CFAP52: variants seen among roughly 807,000 people sequenced by gnomAD.
The protein encoded by CFAP52 is cilia and flagella associated protein 52.
In CFAP52, 57 loss-of-function variants were observed where a neutral mutation model predicts 70.5. That is an observed-to-expected ratio of 0.81 (90% CI 0.65 to 1.01). The LOEUF (loss-of-function observed/expected upper bound fraction) is 1.01, where lower values mean the gene tolerates loss of function less well. Among genes scored for constraint, CFAP52 ranks in the 50% least tolerant of loss-of-function variants. The probability of loss-of-function intolerance (pLI) is 0.00; values close to 1 mark genes in which losing one functional copy is unlikely to be tolerated. For synonymous variants in CFAP52, 267 were observed against 292.5 expected (o/e 0.91, Z 0.89); for missense variants, 785 against 788.5 (o/e 1.00, Z 0.05).
intron 6 of CFAP52, among the ~76,000 whole-genome samples, chr17:9,604,902 A>G (rs904124911): frequency 1.3e-5 from 2 of 152,186 alleles, no homozygotes; most frequent in African/African-American, 2.4e-5. Context: ...GCACGACTAC[A>G]TACCTTTTCA....
At chr17:9,598,184 T>C in intron 4 of CFAP52, 50 bp from the exon 5 acceptor site, 2 of 1,407,026 alleles carry the variant, frequency 1.4e-6, no homozygotes, top group Non-Finnish European at 2.0e-6. Context: ...AAGTGATTAT[T>C]AAATGGGTGT....
intron 8 of CFAP52, among the ~76,000 whole-genome samples, chr17:9,624,523 TATA>T (rs1819478360): frequency 6.6e-6 from 1 of 152,066 alleles, no homozygotes; most frequent in Non-Finnish European, 1.5e-5. Context: ...GGTATATAAT[TATA>T]ATATTACATA....
Position 9,586,716 on chromosome 17 carries a change from G to C in CFAP52, c.289G>C (p.Asp97His). 1 of 1,612,072 alleles carries C rather than the reference G, an allele frequency of 6.2e-7. No homozygotes were observed. The highest frequency in any genetic ancestry group is 8.5e-7 in the Non-Finnish European group (1 of 1,179,426). ...CCCCCAGGCAGACATCATTTTGTGG[G>C]ATTATAAGAACAGAGAGCTGCTTGC... ...MGFKADIILW[D>H]YKNRELLARL... is the part of the protein sequence containing the mutation. The change falls in exon 3 of 14, where the codon GAT becomes CAT. Residue 97 changes from aspartate to histidine, a missense_variant. Coordinates refer to ENST00000352665, the MANE Select transcript of CFAP52 (RefSeq NM_145054.5).
rs1294915894 is a variant in CFAP52, at chr17:9,631,044, G to GAA, written c.1175-1843_1175-1842insAA. On this transcript the variant is annotated intron_variant, in intron 9 of 13. Transcript: ENST00000352665. ...AAAGAAAGAAAGAGAGAGAGAGAGAGAGAGAGAGAGAAAGAAAGAAAGAAA... is the reference window on the plus strand; with the variant it reads ...AAAGAAAGAAAGAGAGAGAGAGAGAGAAAGAGAGAGAGAAAGAAAGAAAGAAA... Among the ~76,000 whole-genome samples, 86 of 21,192 alleles carry GAA rather than the reference G, an allele frequency of 4.1e-3. 2 individuals are homozygous for GAA. The highest frequency in any genetic ancestry group is 0.035 in the South Asian group (24 of 688). 13.9% of individuals were successfully genotyped at this position (21,192 alleles called of 152,430 possible).
intron 8 of CFAP52, among the ~76,000 whole-genome samples, chr17:9,627,233 G>T (rs1567633257): frequency 6.6e-6 from 1 of 152,066 alleles, no homozygotes; most frequent in East Asian, 1.9e-4. Flanking sequence ...TGCTTGGCTG[G>T]GCACAGTGGC....
downstream of CFAP52, among the ~76,000 whole-genome samples, chr17:9,644,453 A>G (rs1414235644): frequency 6.6e-6 from 1 of 151,986 alleles, no homozygotes; most frequent in Non-Finnish European, 1.5e-5. Flanking sequence ...AACAACAAGT[A>G]ACATTTCAGA....
intron 6 of CFAP52, among the ~76,000 whole-genome samples, chr17:9,600,781 C>T (rs961597634): frequency 1.3e-5 from 2 of 152,126 alleles, no homozygotes; most frequent in African/African-American, 4.8e-5. Flanking sequence ...CACACACTTT[C>T]TTAATGAAGA....
At chr17:9,594,888 G>A (rs1474952278) in intron 4 of CFAP52, among the ~76,000 whole-genome samples, 1 of 109,916 alleles carries the variant, frequency 9.1e-6, no homozygotes, top group African/African-American at 3.6e-5. Flanking sequence ...AGCAAATTAG[G>A]GAGGGTTTTT....
At chr17:9,640,705 C>T (rs1294690525) in intron 12 of CFAP52, among the ~76,000 whole-genome samples, 4 of 152,112 alleles carry the variant, frequency 2.6e-5, no homozygotes, top group African/African-American at 7.2e-5. Context: ...ATAATCTCAG[C>T]TCACTGCAAC....
intron 6 of CFAP52, among the ~76,000 whole-genome samples, chr17:9,604,276 G>A (rs1003783178): frequency 6.6e-6 from 1 of 152,006 alleles, no homozygotes; most frequent in African/African-American, 2.4e-5. Flanking sequence ...TTGAAAAGCT[G>A]GACTTCCTTA....
rs1490876523 is a variant in CFAP52 at position 9,633,046 on chromosome 17, G to A, written c.1320+13G>A. On this transcript the variant is annotated intron_variant, in intron 10 of 13. Transcript: ENST00000352665. ...TGGGGAAGGGGAGGTATTGAAAGCAGAAATTTGAAAAAATAACGCTCTGTT... is the reference window on the plus strand; with the variant it reads ...TGGGGAAGGGGAGGTATTGAAAGCAAAAATTTGAAAAAATAACGCTCTGTT... 5.0e-6 allele frequency: 8 copies of A among 1,608,902 alleles called. No homozygotes were observed. The Admixed American group carries it at 5.1e-5, about 10-fold the overall frequency.
At chr17:9,624,447 T>A (rs1005422641) in intron 8 of CFAP52, among the ~76,000 whole-genome samples, 1 of 152,046 alleles carries the variant, frequency 6.6e-6, no homozygotes, top group Non-Finnish European at 1.5e-5. Flanking sequence ...TGTCATTGAG[T>A]CCACCTAGTA....
intron 6 of CFAP52, among the ~76,000 whole-genome samples, chr17:9,601,097 T>G (rs1909247210): frequency 6.6e-6 from 1 of 151,708 alleles, no homozygotes; most frequent in South Asian, 2.1e-4. Context: ...AAAGGATGAG[T>G]TCATGTCCTT....
intron 5 of CFAP52, 92 bp from the exon 6 acceptor site, chr17:9,599,974 CA>C: frequency 1.0e-6 from 1 of 968,376 alleles, no homozygotes; most frequent in Non-Finnish European, 1.6e-6. Flanking sequence ...CTCCTGACCT[CA>C]GGTGATCCAC....
chr17:9,599,718 C>G (rs1386104021), intron 5 of CFAP52, among the ~76,000 whole-genome samples: 1 of 151,892 alleles, frequency 6.6e-6, no homozygotes, highest in Non-Finnish European at 1.5e-5. Context: ...TCATTCAGGG[C>G]ATCCAGGTCT....
chr17:9,579,310 C>T (rs186311649), intron 1 of CFAP52, among the ~76,000 whole-genome samples: 30 of 152,056 alleles, frequency 2.0e-4, no homozygotes, highest in African/African-American at 4.6e-4. Flanking sequence ...CAGAATATTT[C>T]GGGTTACAGC....
intron 8 of CFAP52, among the ~76,000 whole-genome samples, chr17:9,614,645 A>G (rs567244620): frequency 1.3e-5 from 2 of 152,350 alleles, no homozygotes; most frequent in Non-Finnish European, 2.9e-5. Flanking sequence ...GACTTCTGGG[A>G]AAAATTGAAT....
chr17:9,605,506 G>A (rs575553152), intron 6 of CFAP52, among the ~76,000 whole-genome samples: 7 of 152,078 alleles, frequency 4.6e-5, no homozygotes, highest in African/African-American at 1.7e-4. Flanking sequence ...GAGGTCAAGA[G>A]ATCAAGACCA....
Position 9,584,398 on chromosome 17 carries a change from G to C in CFAP52, c.71-1375G>C, listed in dbSNP as rs543877873. The C allele has an allele frequency of 4.8e-6, 6 of 1,261,704 alleles. No homozygotes were observed. In the South Asian group the frequency reaches 6.6e-5, roughly 14 times the overall value. 78.2% of individuals were successfully genotyped at this position (1,261,704 alleles called of 1,614,324 possible). On this transcript the variant is annotated intron_variant, in intron 1 of 13. Coordinates refer to ENST00000352665, the MANE Select transcript of CFAP52 (RefSeq NM_145054.5). ...TGGGCACTCAGAACTGAAACCGAAA[G>C]TTAAAAAAATTATTTTCCTGGTTAT...
Sources: gnomAD v4.1 joint callset for allele counts (sites outside exome capture counted in the v4.1 genomes callset) on GRCh38, gnomAD v4.1.1 for gene constraint, MANE v1.5 for transcripts, NCBI Gene and HGNC (gene_info 2026-07-23, HGNC 2026-07-21) for gene names.